GLI3: variants seen among roughly 807,000 people sequenced by gnomAD.
The protein encoded by GLI3 is GLI family zinc finger 3.
A neutral mutation model predicts 100.8 loss-of-function variants in GLI3; 20 were observed. The observed-to-expected ratio is 0.20, with a 90% CI of 0.14 to 0.29. The LOEUF is 0.29. GLI3 is among the 10% of genes least tolerant of loss of function. The pLI is 1.00. For missense variants in GLI3, 2,040 were observed against 2,128.5 expected (o/e 0.96, Z 0.82); for synonymous variants, 938 against 860.5 (o/e 1.09, Z -1.58).
chr7:42,221,080 C>T (rs1788476760), intron 2 of GLI3, among the ~76,000 whole-genome samples: 1 of 152,232 alleles, frequency 6.6e-6, no homozygotes, highest in African/African-American at 2.4e-5. Context: ...TTATTTAACA[C>T]TGCAGCACAA....
chr7:42,226,803 C>T (rs886407802), intron 1 of GLI3, among the ~76,000 whole-genome samples: 1 of 152,166 alleles, frequency 6.6e-6, no homozygotes, highest in East Asian at 1.9e-4. Context: ...ACATTCTAGA[C>T]GCCCACACCT....
At chr7:42,092,475 G>A (rs1300274195) in intron 3 of GLI3, among the ~76,000 whole-genome samples, 1 of 152,148 alleles carries the variant, frequency 6.6e-6, no homozygotes, top group African/African-American at 2.4e-5. Context: ...TGGAGACAAC[G>A]CTGTTCCCAA....
chr7:42,044,017 C>A (rs1784194800), intron 6 of GLI3, among the ~76,000 whole-genome samples: 1 of 152,132 alleles, frequency 6.6e-6, no homozygotes, highest in Admixed American at 6.5e-5. Flanking sequence ...TAATGAGCTT[C>A]CCAGTGGAAA....
At chr7:42,244,092 C>T (rs1788949647) in intron 1 of GLI3, among the ~76,000 whole-genome samples, 1 of 152,126 alleles carries the variant, frequency 6.6e-6, no homozygotes, top group African/African-American at 2.4e-5. Context: ...CCTTGGCCTC[C>T]CAAAGTGCTG....
intron 10 of GLI3, among the ~76,000 whole-genome samples, chr7:42,017,712 A>C (rs1788806786): frequency 6.6e-6 from 1 of 152,346 alleles, no homozygotes; most frequent in East Asian, 1.9e-4. Flanking sequence ...AGAAAAAGGA[A>C]GTCTCTTGGC....
intron 10 of GLI3, among the ~76,000 whole-genome samples, chr7:42,021,770 A>C (rs1294086569): frequency 6.6e-6 from 1 of 152,206 alleles, no homozygotes; most frequent in Admixed American, 6.5e-5. Context: ...TATTTTAAAA[A>C]CCAAGACACC....
intron 10 of GLI3, among the ~76,000 whole-genome samples, chr7:42,004,062 T>C (rs1788383984): frequency 6.6e-6 from 1 of 152,122 alleles, no homozygotes; most frequent in Non-Finnish European, 1.5e-5. Flanking sequence ...GTAAAGTAAC[T>C]ACAATCACTT....
chr7:41,982,836 C>T (rs1228111808), intron 10 of GLI3, among the ~76,000 whole-genome samples: 1 of 152,098 alleles, frequency 6.6e-6, no homozygotes, highest in African/African-American at 2.4e-5. Context: ...GAGTTGTGTA[C>T]CTTTGGACAG....
intron 2 of GLI3, among the ~76,000 whole-genome samples, chr7:42,215,356 G>GT (rs1278940784): frequency 6.6e-6 from 1 of 152,146 alleles, no homozygotes; most frequent in African/African-American, 2.4e-5. Context: ...GTAACAGGGA[G>GT]TTTTTTGCTT....
intron 8 of GLI3, 49 bp downstream of exon 8, chr7:42,026,150 C>T (rs1286925921): frequency 2.2e-6 from 3 of 1,353,518 alleles, no homozygotes; most frequent in African/African-American, 2.9e-5. Flanking sequence ...GGCCTGCCCC[C>T]ACCCTCGGCT....
intron 3 of GLI3, among the ~76,000 whole-genome samples, chr7:42,140,094 C>T (rs1786530104): frequency 6.6e-6 from 1 of 152,220 alleles, no homozygotes; most frequent in Non-Finnish European, 1.5e-5. Flanking sequence ...CAGGCCTTGA[C>T]AAATGCTCCT....
At chr7:42,024,586 T>C (rs914928832) in intron 9 of GLI3, among the ~76,000 whole-genome samples, 2 of 152,204 alleles carry the variant, frequency 1.3e-5, no homozygotes, top group African/African-American at 4.8e-5. Flanking sequence ...GGAATTAGCA[T>C]TCATAGAGCT....
At chr7:42,029,058 C>T (rs540448883) in intron 7 of GLI3, among the ~76,000 whole-genome samples, 13 of 152,302 alleles carry the variant, frequency 8.5e-5, no homozygotes, top group Admixed American at 7.2e-4. Flanking sequence ...AGGGAACACA[C>T]AGTGGACGGT....
At chr7:42,181,810 G>C (rs1240202182) in intron 2 of GLI3, among the ~76,000 whole-genome samples, 2 of 152,210 alleles carry the variant, frequency 1.3e-5, no homozygotes, top group African/African-American at 4.8e-5. Flanking sequence ...TCACACGAAG[G>C]AACAAGGTCT....
intron 2 of GLI3, among the ~76,000 whole-genome samples, chr7:42,216,043 A>G (rs973216186): frequency 4.6e-5 from 7 of 152,192 alleles, no homozygotes; most frequent in African/African-American, 1.4e-4. Context: ...AATAGCTAAC[A>G]TGTTTGGGTA....
intron 1 of GLI3, 111 bp from the exon 2 acceptor site, chr7:42,223,406 T>C: frequency 1.6e-6 from 1 of 642,994 alleles, no homozygotes; most frequent in Non-Finnish European, 2.7e-6. Flanking sequence ...TTTAGGAAAT[T>C]CAAAATGTGG....
At chr7:42,060,537 A>G (rs1290090546) in intron 4 of GLI3, among the ~76,000 whole-genome samples, 1 of 152,180 alleles carries the variant, frequency 6.6e-6, no homozygotes, top group Non-Finnish European at 1.5e-5. Flanking sequence ...TTGTCTTTAG[A>G]GATAGAGAAA....
At chr7:42,004,627 G>A (rs894949421) in intron 10 of GLI3, among the ~76,000 whole-genome samples, 23 of 152,050 alleles carry the variant, frequency 1.5e-4, no homozygotes, top group African/African-American at 5.6e-4. Context: ...TTATTATCTG[G>A]GGAAACTGAA....
intron 4 of GLI3, among the ~76,000 whole-genome samples, chr7:42,059,585 T>C (rs926955139): frequency 8.5e-5 from 13 of 152,194 alleles, no homozygotes; most frequent in Admixed American, 6.5e-5. Context: ...AAGTACCACC[T>C]TGATGAGGAA....
Sources: allele counts gnomAD v4.1 joint callset (sites outside exome capture counted in the v4.1 genomes callset), GRCh38; gene constraint gnomAD v4.1.1; transcripts MANE v1.5; gene names NCBI Gene and HGNC (gene_info 2026-07-23, HGNC 2026-07-21).